STPG2: variants seen among roughly 807,000 people sequenced by gnomAD.
STPG2 encodes sperm-tail PG-rich repeat-containing protein 2.
A neutral mutation model predicts 54.2 loss-of-function variants in STPG2; 56 were observed. The observed-to-expected ratio is 1.03, with a 90% CI of 0.83 to 1.29. STPG2 has a LOEUF of 1.29. STPG2 is among the 50% of genes most tolerant of loss of function. The pLI, the probability that STPG2 is intolerant of heterozygous loss-of-function variation, is 0.00. For missense variants in STPG2, 596 were observed against 544.9 expected (o/e 1.09, Z -0.93); for synonymous variants, 200 against 181.8 (o/e 1.10, Z -0.81).
intron 10 of STPG2, among the ~76,000 whole-genome samples, chr4:97,591,222 T>C (rs923970560): frequency 2.0e-4 from 30 of 152,260 alleles, no homozygotes; most frequent in African/African-American, 6.5e-4. Context: ...TTTGTCAGAT[T>C]ACTTAAAATG....
chr4:97,784,848 C>T (rs1192699767), intron 9 of STPG2, among the ~76,000 whole-genome samples: 1 of 151,910 alleles, frequency 6.6e-6, no homozygotes, highest in East Asian at 1.9e-4. Flanking sequence ...TTAGTCTGTT[C>T]TCATACTGCT....
intron 9 of STPG2, among the ~76,000 whole-genome samples, chr4:97,787,195 C>CT (rs946481086): frequency 4.0e-5 from 6 of 151,598 alleles, no homozygotes; most frequent in East Asian, 3.9e-4. Flanking sequence ...ATATTTCGTA[C>CT]TTTTTTTTTC....
chr4:97,703,678 T>C (rs1046034305), intron 10 of STPG2, among the ~76,000 whole-genome samples: 2 of 115,056 alleles, frequency 1.7e-5, no homozygotes, highest in South Asian at 2.3e-4. Flanking sequence ...AAAATATATA[T>C]AGTATATATA....
chr4:97,890,619 T>C (rs1456102586), intron 8 of STPG2, among the ~76,000 whole-genome samples: 5 of 151,922 alleles, frequency 3.3e-5, no homozygotes. Context: ...TAATATTCAA[T>C]ACTACAGTAA....
At chr4:97,835,014 T>G (rs1728588852) in intron 9 of STPG2, among the ~76,000 whole-genome samples, 1 of 152,054 alleles carries the variant, frequency 6.6e-6, no homozygotes, top group Non-Finnish European at 1.5e-5. Flanking sequence ...TCAGAGTGCC[T>G]CCATCTTAAG....
At chr4:97,838,868 A>G (rs756254738) in intron 9 of STPG2, among the ~76,000 whole-genome samples, 1 of 151,508 alleles carries the variant, frequency 6.6e-6, no homozygotes, top group African/African-American at 2.4e-5. Flanking sequence ...GCTTTTTCCA[A>G]TGTGTTGATA....
intron 5 of STPG2, among the ~76,000 whole-genome samples, chr4:98,014,386 A>G (rs956984407): frequency 6.6e-6 from 1 of 152,016 alleles, no homozygotes; most frequent in Non-Finnish European, 1.5e-5. Context: ...GCGGCAACAC[A>G]CTGCTCTTCC....
In STPG2 at chr4:97,634,247, T is replaced by A. The variant is rs1721418197; in HGVS notation, c.1321-75130A>T. ...GCAGGGGCACACTGACACCTCACAC[T>A]TCAGGGTACTCCAACAGACCTGCAG... On this transcript the variant is annotated intron_variant, in intron 10 of 10. Transcript: ENST00000295268. 8.6e-5 allele frequency among the ~76,000 whole-genome samples: 13 copies of A among 151,978 alleles called. No individual in the cohort carries two copies. The South Asian group carries it at 2.7e-3, about 32-fold the overall frequency.
intron 9 of STPG2, among the ~76,000 whole-genome samples, chr4:97,722,767 T>C (rs992863329): frequency 5.3e-5 from 8 of 151,422 alleles, no homozygotes; most frequent in Admixed American, 4.6e-4. Context: ...ACATCATAAA[T>C]TTCTTTAGTC....
chr4:97,445,906 G>T (rs557450916), intron 4 of STPG2, among the ~76,000 whole-genome samples: 2 of 152,240 alleles, frequency 1.3e-5, no homozygotes, highest in South Asian at 4.1e-4. Context: ...AAAAGAAAAG[G>T]AATCTTTTTC....
intron 8 of STPG2, among the ~76,000 whole-genome samples, chr4:97,853,971 T>A (rs1729250175): frequency 6.6e-6 from 1 of 151,998 alleles, no homozygotes; most frequent in Non-Finnish European, 1.5e-5. Flanking sequence ...TGTGGGGAGT[T>A]TTGTGTGTTT....
intron 5 of STPG2, among the ~76,000 whole-genome samples, chr4:97,987,704 G>T (rs913109988): frequency 1.3e-5 from 2 of 151,762 alleles, no homozygotes; most frequent in Non-Finnish European, 2.9e-5. Context: ...TGAATAATTG[G>T]CTTATAAATT....
chr4:97,562,888 T>C (rs1732298603), intron 10 of STPG2, among the ~76,000 whole-genome samples: 1 of 152,182 alleles, frequency 6.6e-6, no homozygotes, highest in African/African-American at 2.4e-5. Flanking sequence ...ATCAAGGATA[T>C]TGGTCTAATA....
intron 8 of STPG2, among the ~76,000 whole-genome samples, chr4:97,850,466 GT>G (rs1729123016): frequency 6.7e-6 from 1 of 148,502 alleles, no homozygotes; most frequent in Non-Finnish European, 1.5e-5. Flanking sequence ...ATTTTTTTTT[GT>G]TTTGTTTTTA....
chr4:98,106,234 G>A (rs1739185018), intron 4 of STPG2, among the ~76,000 whole-genome samples, 170 bp from the exon 5 acceptor site: 1 of 151,948 alleles, frequency 6.6e-6, no homozygotes, highest in South Asian at 2.1e-4. Context: ...AAATGTATTA[G>A]TTTTCTTGGT....
At chr4:97,522,478 ATT>A (rs1188088829) in intron 4 of STPG2, among the ~76,000 whole-genome samples, 1 of 152,058 alleles carries the variant, frequency 6.6e-6, no homozygotes, top group Non-Finnish European at 1.5e-5. Flanking sequence ...AAATGAAATA[ATT>A]TTAGTAAACT....
intron 5 of STPG2, among the ~76,000 whole-genome samples, chr4:97,990,239 T>A (rs1332493633): frequency 6.6e-6 from 1 of 152,206 alleles, no homozygotes; most frequent in Non-Finnish European, 1.5e-5. Flanking sequence ...GTTATTGAAC[T>A]TTCCTTCACT....
intron 8 of STPG2, among the ~76,000 whole-genome samples, chr4:97,919,673 CCTT>C (rs1441790314): frequency 6.6e-6 from 1 of 151,820 alleles, no homozygotes; most frequent in Non-Finnish European, 1.5e-5. Flanking sequence ...TTTTCAAAAA[CCTT>C]CTCACGGAGA....
At chr4:98,101,276 C>G (rs992984422) in intron 5 of STPG2, among the ~76,000 whole-genome samples, 10 of 152,112 alleles carry the variant, frequency 6.6e-5, no homozygotes, top group African/African-American at 2.4e-4. Context: ...AGTTAGGGAT[C>G]AAGCATGAAA....
Sources: allele counts gnomAD v4.1 joint callset (sites outside exome capture counted in the v4.1 genomes callset), GRCh38; gene constraint gnomAD v4.1.1; transcripts MANE v1.5; gene names NCBI Gene and HGNC (gene_info 2026-07-23, HGNC 2026-07-21).